The following KRT80 variants were observed in gnomAD, a reference collection of about 807,000 sequenced individuals.
KRT80 encodes the protein keratin, type II cytoskeletal 80.
KRT80 carries 36 observed loss-of-function variants against 51.5 expected under a neutral mutation model. The ratio of observed to expected loss-of-function variants is 0.70; its 90% CI spans 0.54 to 0.92. The LOEUF is 0.92. Ranked by LOEUF, KRT80 falls within the 40% of genes least tolerant of loss-of-function variation. KRT80 has a pLI of 0.00. For missense variants in KRT80, 566 were observed against 591.7 expected (o/e 0.96, Z 0.45); for synonymous variants, 235 against 248.3 (o/e 0.95, Z 0.50).
At position 52,171,702 on chromosome 12, in the gene KRT80, G is replaced by A. The variant is rs747597052; in HGVS notation, c.1190C>T (p.Pro397Leu). Reference sequence around the variant, plus strand: ...CACAGCGCTGACCACAGTGGCTGAGGGCGAGTCCATCCTGGGGGTGGGGGA... The same window carrying A: ...CACAGCGCTGACCACAGTGGCTGAGAGCGAGTCCATCCTGGGGGTGGGGGA... The part of the protein sequence containing the change: ...VEGEEGRMDS[P>L]SATVVSAVQS... The change falls in exon 8 of 9, where the codon CCC becomes CTC. Residue 397 changes from proline (P) to leucine (L), a missense_variant. By Grantham distance (98) the Pro-to-Leu change is moderately conservative. Transcript: ENST00000394815. The A allele has an allele frequency of 1.9e-5, 30 of 1,561,190 alleles. No homozygotes were observed. The South Asian group carries it at 3.5e-4, about 18-fold the overall frequency.
intron 4 of KRT80, among the ~76,000 whole-genome samples, chr12:52,174,974 A>G (rs1941194833): frequency 6.6e-6 from 1 of 151,990 alleles, no homozygotes; most frequent in African/African-American, 2.4e-5. Flanking sequence ...GCACCGAGTG[A>G]GTTGGTGGCA....
intron 6 of KRT80, 82 bp downstream of exon 6, chr12:52,172,956 T>C: frequency 6.7e-7 from 1 of 1,497,398 alleles, no homozygotes; most frequent in Non-Finnish European, 9.0e-7. Context: ...CACTCAGTCA[T>C]GTCTTGCCTG....
chr12:52,175,423 G>T (rs991492554), intron 4 of KRT80, among the ~76,000 whole-genome samples: 1 of 152,062 alleles, frequency 6.6e-6, no homozygotes, highest in Non-Finnish European at 1.5e-5. Flanking sequence ...TCTGATCCTG[G>T]TTCCTGACTC....
chr12:52,187,951 A>G (rs1941429868), intron 1 of KRT80, among the ~76,000 whole-genome samples: 1 of 152,198 alleles, frequency 6.6e-6, no homozygotes, highest in South Asian at 2.1e-4. Context: ...CCTATGCTTC[A>G]GCACTAGCTC....
chr12:52,171,737 G>A, intron 7 of KRT80, 24 bp from the exon 8 acceptor site: 1 of 1,258,764 alleles, frequency 7.9e-7, no homozygotes. Context: ...ACGGGGGGGT[G>A]GGAGAGGGAT....
chr12:52,173,810 C>T (rs1267044900), intron 4 of KRT80, 46 bp from the exon 5 acceptor site: 7 of 1,580,144 alleles, frequency 4.4e-6, no homozygotes, highest in East Asian at 2.2e-5. Context: ...GGGGAGGGCA[C>T]AAGGACCCTC....
In KRT80 at chr12:52,173,098, G is replaced by C. The variant is rs140062194; in HGVS notation, c.897C>G (p.Ile299Met). 9.1e-4 allele frequency: 1,473 copies of C among 1,613,452 alleles called. 14 individuals are homozygous for C. The African/African-American group carries it at 0.017, about 19-fold the overall frequency. The change falls in exon 6 of 9, where the codon ATC (isoleucine) becomes ATG (methionine). Residue 299 changes from isoleucine (I) to methionine (M), a missense_variant. Coordinates refer to ENST00000394815, the MANE Select transcript of KRT80 (RefSeq NM_182507.3). ...GSSLQSSRSE[I>M]ADLNVRIQKL... is the part of the protein sequence containing the mutation. ...TCTGGATGCGCACATTGAGATCCGC[G>C]ATCTCGCTGCGGCTGCTCTGGAGGC...
rs553801096 is a variant in KRT80, at chr12:52,169,387, C to T, written c.*2011G>A. ...GACAGGAGAACTTTGTGTGTACCAGCTGCACTGGTCTGAAGATATAACTAA... is the reference window on the plus strand; with the variant it reads ...GACAGGAGAACTTTGTGTGTACCAGTTGCACTGGTCTGAAGATATAACTAA... On this transcript the variant is annotated 3_prime_UTR_variant, in exon 9 of 9. Coordinates refer to ENST00000394815, the MANE Select transcript of KRT80 (RefSeq NM_182507.3). The T allele has an allele frequency of 1.3e-5, 2 of 152,556 alleles. No homozygotes were observed. Among genetic ancestry groups the T allele is most frequent in the Admixed American group, 1.3e-4 (2 of 15,300 alleles). The allele number at this position is 152,556 out of a possible 1,614,324, so 9.5% of individuals were successfully genotyped here.
intron 2 of KRT80, among the ~76,000 whole-genome samples, chr12:52,182,209 G>A (rs1046264838): frequency 6.6e-6 from 1 of 152,196 alleles, no homozygotes; most frequent in East Asian, 1.9e-4. Context: ...CGGGGAGAAC[G>A]TTCTGCTGTC....
intron 6 of KRT80, 28 bp from the exon 7 acceptor site, chr12:52,172,446 G>C: frequency 1.9e-6 from 3 of 1,589,842 alleles, no homozygotes; most frequent in Non-Finnish European, 2.6e-6. Flanking sequence ...GAGTGAAAGG[G>C]CCTGTGAGCA....
intron 2 of KRT80, 93 bp from the exon 3 acceptor site, chr12:52,181,056 C>T: frequency 1.1e-6 from 1 of 889,122 alleles, no homozygotes; most frequent in Non-Finnish European, 1.7e-6. Context: ...TGTGCTATCC[C>T]ACTTGGGGTC....
At chr12:52,185,087 C>T (rs968106411) in intron 2 of KRT80, among the ~76,000 whole-genome samples, 8 of 152,132 alleles carry the variant, frequency 5.3e-5, no homozygotes, top group Non-Finnish European at 1.2e-4. Context: ...GCAGGGGGTG[C>T]GGGTTATGAT....
In KRT80 at chr12:52,177,162, G is replaced by A. The variant is rs117406590; in HGVS notation, c.666+3351C>T. 4.0e-4 allele frequency among the ~76,000 whole-genome samples: 61 copies of A among 152,276 alleles called. No homozygotes were observed. In the East Asian group the frequency reaches 0.01, roughly 26 times the overall value. ...GTGAGAATTAACTGAGATTAAGTCC[G>A]GAAAACACTTAGCACAGTGTCTGGA... is the stretch of plus-strand genomic sequence containing the variant. On this transcript the variant is annotated intron_variant, in intron 4 of 8. Coordinates refer to ENST00000394815, the MANE Select transcript of KRT80 (RefSeq NM_182507.3).
Position 52,173,146 on chromosome 12 carries a change from G to C in KRT80, c.849C>G (p.Ala283=). Residue 283 remains alanine, a synonymous_variant, in exon 6 of 9, where the codon GCC becomes GCG. Coordinates refer to ENST00000394815, the MANE Select transcript of KRT80 (RefSeq NM_182507.3). ...YSRSQLEEQA[A]RSAEYGSSLQ... ...GGCTGCTCCCATACTCGGCCGAGCG[G>C]GCGGCCTGCTCCTCCAGCTGGAGGT... 1 of 1,610,394 alleles carries C rather than the reference G, an allele frequency of 6.2e-7. No homozygotes were observed. Among genetic ancestry groups the C allele is most frequent in the Non-Finnish European group, 8.5e-7 (1 of 1,178,444 alleles).
intron 4 of KRT80, among the ~76,000 whole-genome samples, chr12:52,177,983 C>G (rs1941259975): frequency 6.6e-6 from 1 of 152,066 alleles, no homozygotes; most frequent in South Asian, 2.1e-4. Flanking sequence ...GACTAGAAAA[C>G]TTAAAATTAC....
At chr12:52,190,617 A>G (rs549860336) in intron 1 of KRT80, among the ~76,000 whole-genome samples, 1 of 152,362 alleles carries the variant, frequency 6.6e-6, no homozygotes, top group Admixed American at 6.5e-5. Flanking sequence ...AGAAATGTAC[A>G]GTTTTCCTTA....
intron 2 of KRT80, among the ~76,000 whole-genome samples, chr12:52,183,423 T>C (rs1941354751): frequency 6.6e-6 from 1 of 152,210 alleles, no homozygotes. Context: ...AGCCCTTCCC[T>C]ACTGGGGCTT....
intron 5 of KRT80, 53 bp downstream of exon 5, chr12:52,173,546 GC>G: frequency 6.4e-7 from 1 of 1,574,702 alleles, no homozygotes; most frequent in Non-Finnish European, 8.6e-7. Context: ...AGCCCTTCCT[GC>G]CACCCAGAGA....
chr12:52,173,631 A>G lies in KRT80; in HGVS notation c.800T>C (p.Leu267Pro), dbSNP rs748067161. Residue 267 changes from leucine (L) to proline (P), a missense_variant, in exon 5 of 9, where the codon CTG (leucine) becomes CCG (proline). Transcript: ENST00000394815. ...AQYDAVAARSLEEAEAYSRSQ... is the reference protein window; with the variant it reads ...AQYDAVAARSPEEAEAYSRSQ... ...CCGAGAGTATGCCTCGGCCTCCTCCAGGCTGCGAGCCGCGACGGCGTCATA... is the reference window on the plus strand; with the variant it reads ...CCGAGAGTATGCCTCGGCCTCCTCCGGGCTGCGAGCCGCGACGGCGTCATA... 4 of 1,612,936 alleles carry G rather than the reference A, an allele frequency of 2.5e-6. No homozygotes were observed. The highest frequency in any genetic ancestry group is 3.4e-6 in the Non-Finnish European group (4 of 1,179,978).
Sources: gnomAD v4.1 joint callset for allele counts (sites outside exome capture counted in the v4.1 genomes callset) on GRCh38, gnomAD v4.1.1 for gene constraint, MANE v1.5 for transcripts, NCBI Gene and HGNC (gene_info 2026-07-23, HGNC 2026-07-21) for gene names.